The following ACTR3C variants were observed in gnomAD, a reference collection of about 807,000 sequenced individuals.
The protein encoded by ACTR3C is actin-related protein 3C.
Under a neutral mutation model 26.3 loss-of-function variants are expected in ACTR3C, and 18 were observed. The ratio of observed to expected loss-of-function variants is 0.68; its 90% confidence interval spans 0.47 to 1.01. ACTR3C has a LOEUF of 1.01. ACTR3C is among the 50% of genes least tolerant of loss of function. The pLI is 0.00. For synonymous variants in ACTR3C, 55 were observed against 94.5 expected (o/e 0.58, Z 2.42); for missense variants, 184 against 250.7 (o/e 0.73, Z 1.80).
the ACTR3C span, among the ~76,000 whole-genome samples, chr7:150,180,076 G>A: frequency 2.0e-5 from 3 of 151,016 alleles, no homozygotes; most frequent in East Asian, 5.8e-4. Flanking sequence ...GAGGCCGAGG[G>A]GGGTGGATCA....
the ACTR3C span, among the ~76,000 whole-genome samples, chr7:150,234,245 C>T: frequency 2.0e-5 from 3 of 152,162 alleles, no homozygotes; most frequent in Non-Finnish European, 4.4e-5. Flanking sequence ...ATGTCCCTTA[C>T]AAGCATTTCT....
the ACTR3C span, chr7:150,047,541 C>T: frequency 6.3e-6 from 6 of 950,738 alleles, no homozygotes; most frequent in Admixed American, 6.0e-5. Context: ...TGCCCCCGGC[C>T]GACGCGTCTC....
the ACTR3C span, among the ~76,000 whole-genome samples, chr7:150,169,534 G>A: frequency 6.6e-6 from 1 of 150,382 alleles, no homozygotes; most frequent in Admixed American, 6.6e-5. Context: ...TTGATCTTGG[G>A]TTTTCCAGCT....
At chr7:150,196,235 A>C in the ACTR3C span, among the ~76,000 whole-genome samples, 1 of 152,196 alleles carries the variant, frequency 6.6e-6, no homozygotes, top group African/African-American at 2.4e-5. Context: ...TTGGGGTTTC[A>C]ATAATGCCTA....
chr7:149,939,525 G>A, the ACTR3C span, among the ~76,000 whole-genome samples: 11 of 152,056 alleles, frequency 7.2e-5, no homozygotes, highest in South Asian at 6.2e-4. Context: ...ACTAGAGAAT[G>A]ACTTCCCGTT....
the ACTR3C span, among the ~76,000 whole-genome samples, chr7:150,091,975 G>A: frequency 5.7e-5 from 5 of 87,554 alleles, no homozygotes; most frequent in African/African-American, 1.7e-4. Context: ...GCGACAGAGC[G>A]AGACTCCGTC....
At chr7:150,253,637 T>C (rs1272954257) in intron 6 of ACTR3C, among the ~76,000 whole-genome samples, 1 of 151,962 alleles carries the variant, frequency 6.6e-6, no homozygotes, top group Admixed American at 6.6e-5. Context: ...ATACCAATCA[T>C]AATATCCAGA....
the ACTR3C span, among the ~76,000 whole-genome samples, chr7:149,985,590 A>C: frequency 6.6e-6 from 1 of 152,254 alleles, no homozygotes; most frequent in Non-Finnish European, 1.5e-5. Context: ...CACCCAATCC[A>C]GCTTGTGCTA....
At chr7:150,055,551 C>T in the ACTR3C span, among the ~76,000 whole-genome samples, 2 of 151,100 alleles carry the variant, frequency 1.3e-5, no homozygotes, top group African/African-American at 2.4e-5. Context: ...AGAATGCAGT[C>T]CATTTAGTCT....
chr7:150,048,510 G>C, the ACTR3C span, among the ~76,000 whole-genome samples: 41 of 152,224 alleles, frequency 2.7e-4, no homozygotes, highest in East Asian at 2.0e-3. Context: ...CCCGGGAGCT[G>C]AGGGTTCTGC....
the ACTR3C span, among the ~76,000 whole-genome samples, chr7:150,104,263 AT>A: frequency 6.6e-6 from 1 of 151,666 alleles, no homozygotes; most frequent in South Asian, 2.1e-4. Context: ...GGAAGAAACT[AT>A]GAGATTGAAC....
At chr7:149,883,604 C>T in the ACTR3C span, among the ~76,000 whole-genome samples, 1 of 152,194 alleles carries the variant, frequency 6.6e-6, no homozygotes, top group Admixed American at 6.5e-5. Flanking sequence ...GCAGCGCCTG[C>T]GTGCAGGATG....
downstream of ACTR3C, chr7:150,244,299 T>C (rs1307031761): frequency 2.8e-5 from 4 of 142,084 alleles, no homozygotes; most frequent in East Asian, 2.1e-4. Context: ...TCTTAGAATA[T>C]TGAATATTCA....
the ACTR3C span, among the ~76,000 whole-genome samples, chr7:150,209,722 T>TACACACACACACACAC: frequency 3.0e-4 from 39 of 129,304 alleles, no homozygotes; most frequent in East Asian, 3.9e-3. Context: ...CTACTAAAAA[T>TACACACACACACACAC]ACACACACAC....
chr7:149,921,949 A>G, the ACTR3C span, among the ~76,000 whole-genome samples: 1 of 151,486 alleles, frequency 6.6e-6, no homozygotes, highest in Non-Finnish European at 1.5e-5. Flanking sequence ...TTTTTCATCT[A>G]TTTTTGCTTG....
chr7:150,240,573 T>C (rs1832123826), downstream of ACTR3C, among the ~76,000 whole-genome samples: 1 of 152,114 alleles, frequency 6.6e-6, no homozygotes, highest in African/African-American at 2.4e-5. Context: ...CTACAACTTT[T>C]TTTAAAAAAA....
the ACTR3C span, among the ~76,000 whole-genome samples, chr7:150,173,086 A>T: frequency 6.7e-6 from 1 of 150,196 alleles, no homozygotes; most frequent in Non-Finnish European, 1.5e-5. Context: ...TAGGGTCTGG[A>T]GGACAGTGGC....
At chr7:150,306,879 A>ATG (rs1795846020) in intron 1 of ACTR3C, among the ~76,000 whole-genome samples, 2 of 152,268 alleles carry the variant, frequency 1.3e-5, no homozygotes, top group African/African-American at 4.8e-5. Context: ...ACAGTGGTTT[A>ATG]TTCATACAAG....
At chr7:149,883,684 G>A in the ACTR3C span, among the ~76,000 whole-genome samples, 2 of 152,188 alleles carry the variant, frequency 1.3e-5, no homozygotes, top group Admixed American at 6.5e-5. Context: ...CAGAGATGGT[G>A]GCCCTAGAGT....
Sources: allele counts gnomAD v4.1 joint callset (sites outside exome capture counted in the v4.1 genomes callset), GRCh38; gene constraint gnomAD v4.1.1; transcripts MANE v1.5; gene names NCBI Gene and HGNC (gene_info 2026-07-23, HGNC 2026-07-21).